The following DPYD variants were observed in gnomAD, a reference collection of about 807,000 sequenced individuals.
DPYD encodes dihydropyrimidine dehydrogenase, also known as dihydropyrimidine dehydrogenase [NADP(+)].
In DPYD, 109 loss-of-function variants were observed where a neutral mutation model predicts 116.2. That is an observed-to-expected ratio of 0.94 (90% CI 0.80 to 1.10). The LOEUF is 1.10. DPYD is among the 50% of genes least tolerant of loss of function. The pLI, the probability that DPYD is intolerant of heterozygous loss-of-function variation, is 0.00. For missense variants in DPYD, 1,302 were observed against 1,254.5 expected, an observed-to-expected ratio of 1.04 and a Z score of -0.57; for synonymous variants, 440 against 432.0, an observed-to-expected ratio of 1.02 and a Z score of -0.23.
intron 12 of DPYD, among the ~76,000 whole-genome samples, chr1:97,536,150 A>G (rs1649980008): frequency 6.6e-6 from 1 of 152,208 alleles, no homozygotes; most frequent in African/African-American, 2.4e-5. Flanking sequence ...CAGTTTCCCA[A>G]TGAGACTGAC....
At chr1:97,411,763 T>C (rs992085393) in intron 14 of DPYD, among the ~76,000 whole-genome samples, 5 of 152,160 alleles carry the variant, frequency 3.3e-5, no homozygotes, top group African/African-American at 7.2e-5. Flanking sequence ...GACAAAGTGA[T>C]TTAGAGTAGA....
chr1:97,159,612 TA>T (rs1655738178), intron 20 of DPYD, among the ~76,000 whole-genome samples: 1 of 152,010 alleles, frequency 6.6e-6, no homozygotes, highest in South Asian at 2.1e-4. Context: ...TTAAGGTAGA[TA>T]AATAAAGGTT....
intron 5 of DPYD, among the ~76,000 whole-genome samples, chr1:97,714,921 C>T (rs1662524836): frequency 6.6e-6 from 1 of 152,084 alleles, no homozygotes; most frequent in Admixed American, 6.6e-5. Context: ...AAACCACTAG[C>T]TTTGTATTCC....
At chr1:97,615,010 T>C (rs1419576007) in intron 8 of DPYD, among the ~76,000 whole-genome samples, 4 of 152,144 alleles carry the variant, frequency 2.6e-5, no homozygotes, top group African/African-American at 9.7e-5. Context: ...GCCTAAAAGA[T>C]CTAGCTTACT....
intron 12 of DPYD, among the ~76,000 whole-genome samples, chr1:97,540,465 A>G (rs977847912): frequency 7.9e-5 from 12 of 152,156 alleles, no homozygotes; most frequent in African/African-American, 2.9e-4. Flanking sequence ...AGATGAAGAG[A>G]CACATAGGGC....
chr1:97,691,859 T>C lies in DPYD; in HGVS notation c.681-61A>G, dbSNP rs566964999. On this transcript the variant is annotated intron_variant, in intron 6 of 22. Transcript: ENST00000370192. ...AGAAAAATGACCAATCTTTGACCAATCTTAAAAAAAGGTAACATGTCTTTA... is the reference window on the plus strand; with the variant it reads ...AGAAAAATGACCAATCTTTGACCAACCTTAAAAAAAGGTAACATGTCTTTA... 4 of 1,373,858 alleles carry C rather than the reference T, an allele frequency of 2.9e-6. No individual in the cohort carries two copies. In the African/African-American group the frequency reaches 4.3e-5, roughly 15 times the overall value. 85.1% of individuals were successfully genotyped at this position (1,373,858 alleles called of 1,614,324 possible).
intron 16 of DPYD, among the ~76,000 whole-genome samples, chr1:97,373,164 G>A (rs1671395552): frequency 6.6e-6 from 1 of 152,132 alleles, no homozygotes; most frequent in African/African-American, 2.4e-5. Flanking sequence ...AATGCAATTT[G>A]TGCCGTGCCC....
chr1:97,705,466 T>C (rs1256408313), intron 5 of DPYD, among the ~76,000 whole-genome samples: 3 of 152,124 alleles, frequency 2.0e-5, no homozygotes, highest in South Asian at 2.1e-4. Flanking sequence ...CATGAACTCA[T>C]CATTTTTTAT....
At chr1:97,440,613 A>G (rs1181147973) in intron 14 of DPYD, among the ~76,000 whole-genome samples, 1 of 152,190 alleles carries the variant, frequency 6.6e-6, no homozygotes, top group Non-Finnish European at 1.5e-5. Context: ...AAGGTGTTAG[A>G]ACCCTAGAGC....
At chr1:97,089,047 G>A (rs1053905769) in intron 21 of DPYD, among the ~76,000 whole-genome samples, 1 of 151,996 alleles carries the variant, frequency 6.6e-6, no homozygotes, top group African/African-American at 2.4e-5. Flanking sequence ...CAATTCAATT[G>A]AAATAATAAA....
chr1:97,277,175 A>G (rs2100917563), intron 18 of DPYD, among the ~76,000 whole-genome samples: 1 of 152,228 alleles, frequency 6.6e-6, no homozygotes, highest in South Asian at 2.1e-4. Context: ...ATGGACATAT[A>G]GATGGGAACA....
At chr1:97,257,713 A>T (rs1310785119) in intron 18 of DPYD, among the ~76,000 whole-genome samples, 2 of 152,088 alleles carry the variant, frequency 1.3e-5, no homozygotes, top group East Asian at 3.9e-4. Context: ...ATTAAAAACC[A>T]AATATTTTCA....
At chr1:97,297,373 G>A (rs1173003192) in intron 18 of DPYD, among the ~76,000 whole-genome samples, 1 of 152,112 alleles carries the variant, frequency 6.6e-6, no homozygotes, top group Non-Finnish European at 1.5e-5. Flanking sequence ...AGGACCTCTT[G>A]GAATTTGAGG....
rs988136568 is a variant in DPYD, at chr1:97,480,836, C to T, written c.1741-30613G>A. ...TCTCTACTAATAATACAAAATTAGC[C>T]GAGCATGGTGGCATGCACCTGTAAT... On this transcript the variant is annotated intron_variant, in intron 13 of 22. Transcript: ENST00000370192. Among the ~76,000 whole-genome samples the T allele has an allele frequency of 5.3e-5, 8 of 152,104 alleles. No individual in the cohort carries two copies. The East Asian group carries it at 1.4e-3, about 26-fold the overall frequency.
At chr1:97,162,853 C>G (rs1322909071) in intron 20 of DPYD, among the ~76,000 whole-genome samples, 1 of 151,376 alleles carries the variant, frequency 6.6e-6, no homozygotes, top group African/African-American at 2.4e-5. Flanking sequence ...TGATCTTTGA[C>G]AAACCTGAGA....
At chr1:97,210,565 A>G (rs1344906612) in intron 19 of DPYD, among the ~76,000 whole-genome samples, 1 of 152,126 alleles carries the variant, frequency 6.6e-6, no homozygotes, top group Non-Finnish European at 1.5e-5. Flanking sequence ...TATTATTTCA[A>G]TTACTATGAG....
intron 13 of DPYD, among the ~76,000 whole-genome samples, chr1:97,475,815 C>T (rs1570796707): frequency 6.8e-6 from 1 of 147,136 alleles, no homozygotes; most frequent in South Asian, 2.2e-4. Context: ...TGACTTTTGG[C>T]CTAATCCTCC....
At chr1:97,764,552 C>T (rs969556547) in intron 3 of DPYD, among the ~76,000 whole-genome samples, 1 of 152,008 alleles carries the variant, frequency 6.6e-6, no homozygotes, top group Non-Finnish European at 1.5e-5. Flanking sequence ...AACTTTATCA[C>T]TTTACACAAA....
chr1:97,843,540 C>T (rs1046041043), intron 2 of DPYD, among the ~76,000 whole-genome samples: 1 of 152,088 alleles, frequency 6.6e-6, no homozygotes, highest in Non-Finnish European at 1.5e-5. Context: ...ATTTTATTTT[C>T]CTAGACAAGT....
Sources: allele counts gnomAD v4.1 joint callset (sites outside exome capture counted in the v4.1 genomes callset), GRCh38; gene constraint gnomAD v4.1.1; transcripts MANE v1.5; gene names NCBI Gene and HGNC (gene_info 2026-07-23, HGNC 2026-07-21).